Variants in MEGF11 observed in about 807,000 individuals in gnomAD.
MEGF11 encodes multiple EGF like domains 11.
In MEGF11, 126 loss-of-function variants were observed where a neutral mutation model predicts 146.6. That is an observed-to-expected ratio of 0.86 (90% CI 0.74 to 1.00). The LOEUF (loss-of-function observed/expected upper bound fraction) is 1.00. MEGF11 is among the 50% of genes least tolerant of loss of function. The pLI, the probability that MEGF11 is intolerant of heterozygous loss-of-function variation, is 0.00. For synonymous variants in MEGF11, 532 were observed against 583.4 expected, an observed-to-expected ratio of 0.91 and a Z score of 1.27; for missense variants, 1,509 against 1,521.2, an observed-to-expected ratio of 0.99 and a Z score of 0.13.
In MEGF11 at chr15:66,139,109, G is replaced by A. The variant is rs532614351; in HGVS notation, c.-8-10698C>T. 2.6e-5 allele frequency among the ~76,000 whole-genome samples: 4 copies of A among 152,244 alleles called. No homozygotes were observed. In the South Asian group the frequency reaches 8.3e-4, roughly 32 times the overall value. On this transcript the variant is annotated intron_variant, in intron 1 of 25. Coordinates refer to ENST00000395614, the MANE Select transcript of MEGF11 (RefSeq NM_001385028.1). ...GTCTGGACCAGAGGCCAATTTGGCT[G>A]CATTTCTGGCCTAGGCTGTGTCTGA...
chr15:65,947,359 G>C (rs1162120722), intron 10 of MEGF11, among the ~76,000 whole-genome samples: 1 of 152,114 alleles, frequency 6.6e-6, no homozygotes. Flanking sequence ...TTTTGTGGGG[G>C]GACTAGAGCC....
intron 1 of MEGF11, among the ~76,000 whole-genome samples, chr15:66,243,774 C>A (rs1438575940): frequency 6.6e-6 from 1 of 152,028 alleles, no homozygotes; most frequent in Non-Finnish European, 1.5e-5. Context: ...AGGACAGGTT[C>A]CAAGGACAGG....
At chr15:66,141,236 GTGTGTGTGTGTGTGTGTGT>G (rs2089136881) in intron 1 of MEGF11, among the ~76,000 whole-genome samples, 14 of 58,354 alleles carry the variant, frequency 2.4e-4, no homozygotes, top group Non-Finnish European at 1.6e-4. Context: ...ACTCAGGGGT[GTGTGTGTGTGTGTGTGTGT>G]GTGTGTGTGT....
chr15:65,903,839 A>T (rs995349762), intron 24 of MEGF11, among the ~76,000 whole-genome samples: 10 of 152,318 alleles, frequency 6.6e-5, no homozygotes, highest in African/African-American at 2.4e-4. Flanking sequence ...GAACTGTGAC[A>T]TCATATTTTC....
chr15:65,911,763 A>G (rs1002487498), intron 21 of MEGF11, among the ~76,000 whole-genome samples: 1 of 152,230 alleles, frequency 6.6e-6, no homozygotes, highest in Non-Finnish European at 1.5e-5. Flanking sequence ...AAAAGTGTCT[A>G]CATGATTATA....
intron 13 of MEGF11, among the ~76,000 whole-genome samples, chr15:65,923,428 G>A (rs886916637): frequency 1.3e-5 from 2 of 152,154 alleles, no homozygotes; most frequent in African/African-American, 2.4e-5. Flanking sequence ...ATATGCCCAC[G>A]CATGTTAGCC....
chr15:65,940,545 G>A (rs2079952528), intron 10 of MEGF11, among the ~76,000 whole-genome samples: 1 of 152,230 alleles, frequency 6.6e-6, no homozygotes, highest in Admixed American at 6.5e-5. Flanking sequence ...CCTCTCCAAC[G>A]CAGAGCAAAC....
At chr15:66,115,947 A>G (rs1333634365) in intron 4 of MEGF11, among the ~76,000 whole-genome samples, 1 of 152,132 alleles carries the variant, frequency 6.6e-6, no homozygotes, top group East Asian at 1.9e-4. Flanking sequence ...GAACTGTGAG[A>G]CGATAAACCG....
chr15:65,902,804 CAG>C, intron 24 of MEGF11, among the ~76,000 whole-genome samples: 1 of 152,308 alleles, frequency 6.6e-6, no homozygotes, highest in Admixed American at 6.5e-5. Flanking sequence ...CATACACTGT[CAG>C]AGACAGAGGG....
At chr15:65,985,010 C>T (rs1426197753) in intron 5 of MEGF11, among the ~76,000 whole-genome samples, 2 of 152,040 alleles carry the variant, frequency 1.3e-5, no homozygotes, top group African/African-American at 2.4e-5. Flanking sequence ...CTCAGGTGAT[C>T]CACCTGCCTC....
chr15:66,052,250 G>C (rs758634692), intron 5 of MEGF11, among the ~76,000 whole-genome samples: 20 of 152,140 alleles, frequency 1.3e-4, no homozygotes, highest in Admixed American at 2.0e-4. Flanking sequence ...TGCTGGGGGT[G>C]GGGGGCAAGG....
intron 4 of MEGF11, among the ~76,000 whole-genome samples, chr15:66,109,811 A>C (rs1361319142): frequency 6.6e-6 from 1 of 152,134 alleles, no homozygotes; most frequent in African/African-American, 2.4e-5. Context: ...GCCTCTCCCT[A>C]AGAGGTCTCT....
At chr15:66,239,815 A>G (rs2092172733) in intron 1 of MEGF11, among the ~76,000 whole-genome samples, 2 of 152,196 alleles carry the variant, frequency 1.3e-5, no homozygotes, top group South Asian at 4.1e-4. Context: ...AGGCTTCCCA[A>G]CAGGGTCAGG....
chr15:66,098,237 C>T (rs754659301), intron 4 of MEGF11, among the ~76,000 whole-genome samples: 3 of 152,122 alleles, frequency 2.0e-5, no homozygotes, highest in Non-Finnish European at 4.4e-5. Context: ...GGTGTGTGTG[C>T]GTCAGACTTG....
intron 15 of MEGF11, among the ~76,000 whole-genome samples, chr15:65,921,312 G>A (rs2079163159): frequency 6.6e-6 from 1 of 152,130 alleles, no homozygotes; most frequent in Admixed American, 6.5e-5. Flanking sequence ...ACTCCTTTCA[G>A]GTTAGAATGC....
intron 5 of MEGF11, among the ~76,000 whole-genome samples, chr15:66,008,317 A>G (rs1163833000): frequency 6.6e-6 from 1 of 151,984 alleles, no homozygotes; most frequent in Non-Finnish European, 1.5e-5. Flanking sequence ...TTTTCTAAGC[A>G]CTAGGGGAAA....
In MEGF11 at chr15:66,124,008, C is replaced by T. The variant is rs778411903; in HGVS notation, c.99-8G>A. The stretch of plus-strand genomic sequence containing the variant: ...TGGACAGTCACAGCATAGCTGAGAA[C>T]CAGATGGGAGATAGGAGCCATGATT... On this transcript the variant is annotated splice_region_variant and splice_polypyrimidine_tract_variant and intron_variant, in intron 2 of 25. Coordinates refer to ENST00000395614, the MANE Select transcript of MEGF11 (RefSeq NM_001385028.1). The T allele has an allele frequency of 4.4e-6, 7 of 1,607,178 alleles. No homozygotes were observed. In the Admixed American group the frequency reaches 1.2e-4, roughly 27 times the overall value.
intron 5 of MEGF11, among the ~76,000 whole-genome samples, chr15:66,032,308 G>A (rs370110881): frequency 1.0e-3 from 158 of 152,338 alleles, no homozygotes; most frequent in African/African-American, 3.4e-3. Context: ...AACAGACTGT[G>A]ACAGAAAATT....
At chr15:66,148,401 A>G (rs1236500177) in intron 1 of MEGF11, among the ~76,000 whole-genome samples, 2 of 152,196 alleles carry the variant, frequency 1.3e-5, no homozygotes, top group Non-Finnish European at 1.5e-5. Flanking sequence ...ATGGCCCCAG[A>G]ATATCAAAAG....
Sources: allele counts gnomAD v4.1 joint callset (sites outside exome capture counted in the v4.1 genomes callset), GRCh38; gene constraint gnomAD v4.1.1; transcripts MANE v1.5; gene names NCBI Gene and HGNC (gene_info 2026-07-23, HGNC 2026-07-21).